HNF1A: variants seen among roughly 807,000 people sequenced by gnomAD.
The protein encoded by HNF1A is hepatocyte nuclear factor 1-alpha.
HNF1A carries 21 observed loss-of-function variants against 62.2 expected under a neutral mutation model. The ratio of observed to expected loss-of-function variants is 0.34; its 90% CI spans 0.24 to 0.49. HNF1A has a LOEUF of 0.49. Among genes scored for constraint, HNF1A ranks in the 20% least tolerant of loss-of-function variants. The probability of loss-of-function intolerance (pLI) is 0.99; values close to 1 mark genes in which losing one functional copy is unlikely to be tolerated. For synonymous variants in HNF1A, 374 were observed against 366.8 expected (o/e 1.02, Z -0.22); for missense variants, 687 against 832.3 (o/e 0.83, Z 2.15).
At position 121,002,240 on chromosome 12, in the gene HNF1A, G is replaced by T. The variant is rs1477786981; in HGVS notation, c.*1048G>T. The T allele has an allele frequency of 1.4e-5, 6 of 440,516 alleles. No individual in the cohort carries two copies. Among genetic ancestry groups the T allele is most frequent in the South Asian group, 8.1e-5 (4 of 49,432 alleles). 27.3% of individuals were successfully genotyped at this position (440,516 alleles called of 1,614,324 possible). On this transcript the variant is annotated 3_prime_UTR_variant, in exon 10 of 10. Coordinates refer to ENST00000257555, the MANE Select transcript of HNF1A (RefSeq NM_000545.8). Reference sequence around the variant, plus strand: ...AGGACTAACACTCAGAAGCCTGGGGGCCTGGCTGGCTGAGGGCAGTTCGCA... The same window carrying T: ...AGGACTAACACTCAGAAGCCTGGGGTCCTGGCTGGCTGAGGGCAGTTCGCA...
At chr12:120,989,127 C>T in intron 2 of HNF1A, 95 bp downstream of exon 2, 7 of 1,165,486 alleles carry the variant, frequency 6.0e-6, no homozygotes, top group Non-Finnish European at 8.8e-6. Context: ...ATCCCCATTA[C>T]ACAGACAGGT....
Position 120,993,505 on chromosome 12 carries a change from T to C in HNF1A, c.527-15T>C. ...GAGTGGCCAGTACCCCACTCACGGC[T>C]TTCTGTGCCTGCAGAGTTCACCCAT... On this transcript the variant is annotated splice_polypyrimidine_tract_variant and intron_variant, in intron 2 of 9. Coordinates refer to ENST00000257555, the MANE Select transcript of HNF1A (RefSeq NM_000545.8). The C allele has an allele frequency of 6.2e-7, 1 of 1,613,486 alleles. No individual in the cohort carries two copies. Among genetic ancestry groups the C allele is most frequent in the Non-Finnish European group, 8.5e-7 (1 of 1,179,804 alleles).
intron 1 of HNF1A, among the ~76,000 whole-genome samples, chr12:120,988,286 A>T (rs975707657): frequency 7.3e-6 from 1 of 136,140 alleles, no homozygotes; most frequent in Non-Finnish European, 1.6e-5. Flanking sequence ...CAATCCATCC[A>T]TCCATTCATC....
At chr12:120,985,522 A>G (rs996744375) in intron 1 of HNF1A, among the ~76,000 whole-genome samples, 14 of 149,760 alleles carry the variant, frequency 9.3e-5, no homozygotes, top group African/African-American at 3.2e-4. Context: ...AAGTACAAAA[A>G]TTAGCTGGGC....
intron 4 of HNF1A, among the ~76,000 whole-genome samples, chr12:120,995,157 C>G (rs1877037583): frequency 6.6e-6 from 1 of 151,872 alleles, no homozygotes; most frequent in South Asian, 2.1e-4. Context: ...TCCACTCCAT[C>G]CACTCCATAC....
chr12:120,988,908 C>T lies in HNF1A; in HGVS notation c.402C>T (p.Val134=), dbSNP rs758199396. The change falls in exon 2 of 10, where the codon GTC becomes GTT. Residue 134 remains valine, a synonymous_variant. Coordinates refer to ENST00000257555, the MANE Select transcript of HNF1A (RefSeq NM_000545.8). ...ACAACATCCCACAGCGGGAGGTGGT[C>T]GATACCACTGGCCTCAACCAGTCCC... ...QQHNIPQREV[V]DTTGLNQSHL... The T allele has an allele frequency of 3.7e-6, 6 of 1,614,198 alleles. 1 individual carries two copies. In the South Asian group the frequency reaches 6.6e-5, roughly 18 times the overall value.
chr12:120,999,598 C>T lies in HNF1A; in HGVS notation c.1739C>T (p.Pro580Leu), dbSNP rs1447169370. 1.4e-5 allele frequency: 22 copies of T among 1,611,694 alleles called. No individual in the cohort carries two copies. The highest frequency in any genetic ancestry group is 2.2e-5 in the South Asian group (2 of 91,010). Residue 580 changes from proline to leucine, a missense_variant, in exon 9 of 10, where the codon CCG becomes CTG. This residue lies in a region of HNF1A where 408 missense variants were observed against 455.3 expected (regional missense o/e 0.90). Transcript: ENST00000257555. The stretch of plus-strand genomic sequence containing the variant: ...CCTGCCAGCATCCAGCACCTGCAGC[C>T]GGCCCACCGGCTCAGCGCCAGCCCC... ...QDPASIQHLQ[P>L]AHRLSASPTV...
In HNF1A at chr12:120,997,890, GGTGT is replaced by G. The variant is rs774352507; in HGVS notation, c.1501+228_1501+231del. 3.3e-5 allele frequency: 23 copies of G among 692,116 alleles called. 1 individual carries two copies. The highest frequency in any genetic ancestry group is 1.3e-4 in the South Asian group (8 of 63,444). 42.9% of individuals were successfully genotyped at this position (692,116 alleles called of 1,614,324 possible). ...TGAGCAGATCCCTAGTGCGTGTCTG[GGTGT>G]GTATCGGTTGTGCATGCATTTGTGT... On this transcript the variant is annotated intron_variant, in intron 7 of 9. Coordinates refer to ENST00000257555, the MANE Select transcript of HNF1A (RefSeq NM_000545.8).
In HNF1A at chr12:120,994,371, G is replaced by C. The variant is rs975840857; in HGVS notation, c.921G>C (p.Leu307=). Reference sequence around the variant, plus strand: ...TGCCCGCTCACAGCTCCCCTGGCCTGCCTCCACCTGCCCTCTCCCCCAGTA... The same window carrying C: ...TGCCCGCTCACAGCTCCCCTGGCCTCCCTCCACCTGCCCTCTCCCCCAGTA... The part of the protein sequence containing the change: ...PALPAHSSPG[L]PPPALSPSKV... The change falls in exon 4 of 10, where the codon CTG becomes CTC. Residue 307 remains leucine (L), a synonymous_variant. Coordinates refer to ENST00000257555, the MANE Select transcript of HNF1A (RefSeq NM_000545.8). 4 of 1,593,728 alleles carry C rather than the reference G, an allele frequency of 2.5e-6. No homozygotes were observed. The highest frequency in any genetic ancestry group is 3.4e-6 in the Non-Finnish European group (4 of 1,170,158).
chr12:120,985,252 T>TC (rs1294807035), intron 1 of HNF1A, among the ~76,000 whole-genome samples: 2 of 145,052 alleles, frequency 1.4e-5, no homozygotes, highest in Non-Finnish European at 3.0e-5. Flanking sequence ...GGCTAATTTA[T>TC]TTTTTTTTTT....
chr12:121,002,463 T>C lies in HNF1A; in HGVS notation c.*1271T>C, dbSNP rs1467673201. 1 of 526,004 alleles carries C rather than the reference T, an allele frequency of 1.9e-6. No homozygotes were observed. 32.6% of individuals were successfully genotyped at this position (526,004 alleles called of 1,614,324 possible). ...GCAGCTTGTAGCCAGCCGGGGCGAG[T>C]GGCACGTTTATTTAACTTTTAGTAA... On this transcript the variant is annotated 3_prime_UTR_variant, in exon 10 of 10. Transcript: ENST00000257555.
intron 1 of HNF1A, among the ~76,000 whole-genome samples, chr12:120,985,899 C>T (rs1294464805): frequency 5.9e-5 from 9 of 151,814 alleles, no homozygotes; most frequent in Admixed American, 5.9e-4. Flanking sequence ...GCAGGAGAAT[C>T]GCTTGAACCT....
At position 121,001,124 on chromosome 12, in the gene HNF1A, C is replaced by A. The variant is rs1877445577; in HGVS notation, c.1828C>A (p.Leu610Met). 1 of 1,614,056 alleles carries A rather than the reference C, an allele frequency of 6.2e-7. No homozygotes were observed. The highest frequency in any genetic ancestry group is 8.5e-7 in the Non-Finnish European group (1 of 1,179,988). The change falls in exon 10 of 10, where the codon CTG (leucine) becomes ATG (methionine). Residue 610 changes from leucine to methionine, a missense_variant. Around this residue, in one of 5 missense-constraint regions of HNF1A, gnomAD observed 408 missense variants for 455.3 expected, o/e 0.90. Coordinates refer to ENST00000257555, the MANE Select transcript of HNF1A (RefSeq NM_000545.8). ...SSDSSNGQSH[L>M]LPSNHSVIET... ...AGACTCCAGCAATGGCCAGAGCCAC[C>A]TGCTGCCATCCAACCACAGCGTCAT...
intron 1 of HNF1A, among the ~76,000 whole-genome samples, chr12:120,983,870 A>C (rs943032886): frequency 6.6e-6 from 1 of 150,728 alleles, no homozygotes; most frequent in Admixed American, 6.6e-5. Context: ...CTGAGCTAGG[A>C]CAGTTGGAGA....
At position 120,999,454 on chromosome 12, in the gene HNF1A, G is replaced by A. The variant is rs532689884; in HGVS notation, c.1624-29G>A. 90 of 1,613,672 alleles carry A rather than the reference G, an allele frequency of 5.6e-5. No homozygotes were observed. Among genetic ancestry groups the A allele is most frequent in the Middle Eastern group, 3.3e-4 (2 of 6,060 alleles). Reference sequence around the variant, plus strand: ...AGAGCCCCTCACCCCCACATCCCCCGGGCTCAGGAGGCTGCTCTGCTCCCC... The same window carrying A: ...AGAGCCCCTCACCCCCACATCCCCCAGGCTCAGGAGGCTGCTCTGCTCCCC... On this transcript the variant is annotated intron_variant, in intron 8 of 9. Transcript: ENST00000257555.
At chr12:120,997,336 G>A in intron 6 of HNF1A, 138 bp from the exon 7 acceptor site, 1 of 1,330,218 alleles carries the variant, frequency 7.5e-7, no homozygotes, top group Non-Finnish European at 1.0e-6. Flanking sequence ...GGTCCCAGTG[G>A]AGGGCTGTTT....
At chr12:120,992,902 C>T (rs1347384817) in intron 2 of HNF1A, among the ~76,000 whole-genome samples, 2 of 152,170 alleles carry the variant, frequency 1.3e-5, no homozygotes, top group African/African-American at 4.8e-5. Context: ...CAGAATCTAC[C>T]TTCCTCTCTT....
chr12:120,987,399 CA>C (rs1250776655), intron 1 of HNF1A, among the ~76,000 whole-genome samples: 4 of 148,732 alleles, frequency 2.7e-5, no homozygotes, highest in African/African-American at 9.9e-5. Flanking sequence ...GGCATGAACC[CA>C]GGAGGTGGAA....
At chr12:120,989,523 G>C (rs988870692) in intron 2 of HNF1A, among the ~76,000 whole-genome samples, 7 of 152,088 alleles carry the variant, frequency 4.6e-5, no homozygotes, top group Admixed American at 4.6e-4. Context: ...GCCTCCCAAA[G>C]TGCTGGGATT....
Sources: gnomAD v4.1 joint callset for allele counts (sites outside exome capture counted in the v4.1 genomes callset) on GRCh38, gnomAD v4.1.1 for gene constraint, gnomAD v4.1.1 regional missense constraint, MANE v1.5 for transcripts, NCBI Gene and HGNC (gene_info 2026-07-23, HGNC 2026-07-21) for gene names.